HDAC9: variants seen among roughly 807,000 people sequenced by gnomAD.
HDAC9 encodes the protein histone deacetylase 9.
A neutral mutation model predicts 139.4 loss-of-function variants in HDAC9; 41 were observed. That is an observed-to-expected ratio of 0.29 (90% confidence interval 0.23 to 0.38). HDAC9 has a LOEUF of 0.38. Among genes scored for constraint, HDAC9 ranks in the 10% least tolerant of loss-of-function variants. The pLI, the probability that HDAC9 is intolerant of heterozygous loss-of-function variation, is 1.00. For missense variants in HDAC9, 1,147 were observed against 1,297.0 expected, an observed-to-expected ratio of 0.88 and a Z score of 1.78; for synonymous variants, 517 against 476.2, an observed-to-expected ratio of 1.09 and a Z score of -1.12.
chr7:18,109,381 G>A (rs903823408), intron 1 of HDAC9, among the ~76,000 whole-genome samples: 1 of 152,192 alleles, frequency 6.6e-6, no homozygotes, highest in Non-Finnish European at 1.5e-5. Flanking sequence ...AACTTCATCT[G>A]TAGCTTTTGG....
At chr7:18,732,438 A>G (rs538847672) in intron 13 of HDAC9, among the ~76,000 whole-genome samples, 1 of 147,882 alleles carries the variant, frequency 6.8e-6, no homozygotes, top group Admixed American at 6.8e-5. Context: ...GTATGTGTCT[A>G]TCTGAAAGTA....
chr7:18,819,374 GC>G (rs1215800276), intron 17 of HDAC9, among the ~76,000 whole-genome samples: 1 of 152,158 alleles, frequency 6.6e-6, no homozygotes, highest in Non-Finnish European at 1.5e-5. Flanking sequence ...CCCTTTATTT[GC>G]CTAGGCAGAG....
chr7:18,924,164 C>A (rs533718728), intron 22 of HDAC9, among the ~76,000 whole-genome samples: 3 of 151,568 alleles, frequency 2.0e-5, no homozygotes, highest in Non-Finnish European at 4.4e-5. Flanking sequence ...CCTAACTATC[C>A]TATTGGGCTT....
chr7:18,206,509 T>C (rs1791522431), intron 2 of HDAC9, among the ~76,000 whole-genome samples: 2 of 152,192 alleles, frequency 1.3e-5, no homozygotes, highest in Non-Finnish European at 2.9e-5. Flanking sequence ...TGTAATTCTT[T>C]GTATATACAA....
chr7:18,788,745 ACT>A (rs1433709342), intron 16 of HDAC9, among the ~76,000 whole-genome samples: 14 of 112,136 alleles, frequency 1.2e-4, no homozygotes, highest in Admixed American at 2.9e-4. Context: ...ACAGAGCGAG[ACT>A]CTGTTTAAAA....
At chr7:18,569,388 G>C (rs1031473480) in intron 2 of HDAC9, among the ~76,000 whole-genome samples, 2 of 152,160 alleles carry the variant, frequency 1.3e-5, no homozygotes, top group Admixed American at 6.5e-5. Flanking sequence ...AAATTAGGCA[G>C]GCTGGATTTG....
chr7:18,666,550 G>A (rs1366813842), intron 12 of HDAC9, 74 bp downstream of exon 12: 3 of 1,545,768 alleles, frequency 1.9e-6, no homozygotes, highest in Non-Finnish European at 2.6e-6. Context: ...TTGCAGGTTT[G>A]GTAAATGGAT....
At chr7:18,985,566 G>C (rs531882670) in intron 25 of HDAC9, among the ~76,000 whole-genome samples, 1 of 150,948 alleles carries the variant, frequency 6.6e-6, no homozygotes, top group Non-Finnish European at 1.5e-5. Flanking sequence ...ATGATTTATA[G>C]TCCTTTGGGT....
intron 2 of HDAC9, among the ~76,000 whole-genome samples, chr7:18,241,094 T>A (rs1177158204): frequency 1.3e-5 from 2 of 152,200 alleles, no homozygotes; most frequent in African/African-American, 4.8e-5. Context: ...ATGGTCGTTC[T>A]TTCTAGGTCT....
chr7:18,993,625 G>T (rs899043252), intron 25 of HDAC9, among the ~76,000 whole-genome samples: 1 of 139,132 alleles, frequency 7.2e-6, no homozygotes, highest in Admixed American at 7.3e-5. Context: ...AACATAGCAA[G>T]ACCCCATCTA....
chr7:18,537,165 C>T (rs1314316538), intron 2 of HDAC9, among the ~76,000 whole-genome samples: 1 of 152,192 alleles, frequency 6.6e-6, no homozygotes, highest in Non-Finnish European at 1.5e-5. Flanking sequence ...CTCCATTCTG[C>T]TTTCTCATCT....
At chr7:18,292,718 G>C (rs1318798115) in intron 1 of HDAC9, among the ~76,000 whole-genome samples, 1 of 152,144 alleles carries the variant, frequency 6.6e-6, no homozygotes, top group Non-Finnish European at 1.5e-5. Context: ...ATATATCTAA[G>C]TCAGTTTTTG....
intron 2 of HDAC9, among the ~76,000 whole-genome samples, chr7:18,181,062 G>A (rs1226850258): frequency 6.6e-6 from 1 of 152,122 alleles, no homozygotes; most frequent in East Asian, 1.9e-4. Flanking sequence ...GATAATCTGA[G>A]ATAATCTCCC....
intron 1 of HDAC9, among the ~76,000 whole-genome samples, chr7:18,386,995 C>T (rs1479387946): frequency 2.0e-5 from 3 of 152,130 alleles, no homozygotes; most frequent in East Asian, 1.9e-4. Flanking sequence ...TCTTTGTAAC[C>T]CTCTTGGGTC....
In HDAC9 at chr7:18,161,880, C is replaced by T. The variant is rs533968891; in HGVS notation, c.-96-349C>T. Among the ~76,000 whole-genome samples, 8 of 152,094 alleles carry T rather than the reference C, an allele frequency of 5.3e-5. No homozygotes were observed. In the South Asian group the frequency reaches 1.7e-3, roughly 32 times the overall value. On this transcript the variant is annotated intron_variant, in intron 1 of 12. Coordinates refer to the HDAC9 transcript ENST00000417496. ...TAATGAGATACTTATATGCAAAAATCCAAAAAAGCTTTTTTATTTCTATAA... is the reference window on the plus strand; with the variant it reads ...TAATGAGATACTTATATGCAAAAATTCAAAAAAGCTTTTTTATTTCTATAA...
intron 23 of HDAC9, among the ~76,000 whole-genome samples, chr7:18,940,637 A>T (rs1313010948): frequency 6.6e-6 from 1 of 152,178 alleles, no homozygotes; most frequent in African/African-American, 2.4e-5. Flanking sequence ...CATAGTTTTT[A>T]GAATTCATAA....
intron 1 of HDAC9, among the ~76,000 whole-genome samples, chr7:18,090,688 G>A (rs972170988): frequency 3.3e-5 from 5 of 152,176 alleles, no homozygotes; most frequent in African/African-American, 1.2e-4. Context: ...TCCAGAGGCA[G>A]CCAGTAGTGG....
At chr7:18,586,750 G>T (rs1022145029) in intron 3 of HDAC9, among the ~76,000 whole-genome samples, 1 of 151,994 alleles carries the variant, frequency 6.6e-6, no homozygotes, top group Admixed American at 6.6e-5. Context: ...TTTCCAAAAA[G>T]AACTCTTGTA....
chr7:18,137,603 A>C (rs1033864526), intron 1 of HDAC9, among the ~76,000 whole-genome samples: 5 of 150,816 alleles, frequency 3.3e-5, no homozygotes, highest in African/African-American at 1.2e-4. Context: ...ATGCTGGATT[A>C]CATTTATTGA....
Sources: gnomAD v4.1 joint callset for allele counts (sites outside exome capture counted in the v4.1 genomes callset) on GRCh38, gnomAD v4.1.1 for gene constraint, MANE v1.5 for transcripts, NCBI Gene and HGNC (gene_info 2026-07-23, HGNC 2026-07-21) for gene names.